The following CRLS1 variants were observed in gnomAD, a reference collection of about 807,000 sequenced individuals.
CRLS1 encodes the protein cardiolipin synthase 1, also known as cardiolipin synthase (CMP-forming).
In CRLS1, 24 loss-of-function variants were observed where a neutral mutation model predicts 37.0. The observed-to-expected ratio is 0.65, with a 90% CI of 0.47 to 0.91. The LOEUF (loss-of-function observed/expected upper bound fraction) is 0.91. Ranked by LOEUF, CRLS1 falls within the 40% of genes least tolerant of loss-of-function variation. The pLI is 0.00. For synonymous variants in CRLS1, 135 were observed against 159.7 expected (o/e 0.85, Z 1.17); for missense variants, 373 against 395.8 (o/e 0.94, Z 0.49).
chr20:6,015,666 A>G, intron 3 of CRLS1, 176 bp downstream of exon 3: 1 of 601,676 alleles, frequency 1.7e-6, no homozygotes. Context: ...TGGATTTTAG[A>G]ATTTATGTCC....
intron 3 of CRLS1, among the ~76,000 whole-genome samples, chr20:6,030,011 A>G (rs779562849): frequency 6.6e-6 from 1 of 152,222 alleles, no homozygotes; most frequent in Non-Finnish European, 1.5e-5. Context: ...ATAATTCATA[A>G]AAGATTTGTT....
At chr20:6,009,675 A>T in intron 1 of CRLS1, 100 bp from the exon 2 acceptor site, 1 of 894,938 alleles carries the variant, frequency 1.1e-6, no homozygotes, top group Non-Finnish European at 1.6e-6. Context: ...GTAGCTTCTG[A>T]CTGAAGTTGA....
chr20:6,028,787 A>G (rs1342798068), intron 3 of CRLS1: 2 of 152,236 alleles, frequency 1.3e-5, no homozygotes, highest in African/African-American at 2.4e-5. Context: ...CATTGCAAAT[A>G]TTACCCATGT....
intron 6 of CRLS1, among the ~76,000 whole-genome samples, chr20:6,036,028 C>T (rs1265959106): frequency 6.6e-6 from 1 of 152,140 alleles, no homozygotes; most frequent in Admixed American, 6.5e-5. Flanking sequence ...TGGTCTCGAA[C>T]TCCTGGCCTC....
At position 6,024,117 on chromosome 20, in the gene CRLS1, G is replaced by A. The variant is rs192673308; in HGVS notation, c.575-7168G>A. 8.6e-4 allele frequency among the ~76,000 whole-genome samples: 131 copies of A among 152,132 alleles called. 1 individual carries two copies. The highest frequency in any genetic ancestry group is 9.9e-4 in the Non-Finnish European group (67 of 68,006). On this transcript the variant is annotated intron_variant, in intron 3 of 6. Transcript: ENST00000378863. ...ACAGAGGTACACCACCACACACCCAGCTAAGTTTTAAATTTTTTTATAGAG... is the reference window on the plus strand; with the variant it reads ...ACAGAGGTACACCACCACACACCCAACTAAGTTTTAAATTTTTTTATAGAG...
chr20:6,014,660 A>G (rs1978601289), intron 2 of CRLS1, among the ~76,000 whole-genome samples: 1 of 152,174 alleles, frequency 6.6e-6, no homozygotes, highest in African/African-American at 2.4e-5. Context: ...TATGGGAAGA[A>G]TTGAATACTT....
rs1018448797 is a variant in CRLS1, at chr20:6,006,321, G to A, written c.75G>A (p.Pro25=). ...CCGCTTGGGCTCCGGGAACGCGGCC[G>A]AGTAAGCGACGCGCCTGCTGGGCCC... ...RGAAWAPGTR[P]SKRRACWALL... Residue 25 remains proline (P), a synonymous_variant, in exon 1 of 7, where the codon CCG becomes CCA. Transcript: ENST00000378863. 3.7e-5 allele frequency: 49 copies of A among 1,339,386 alleles called. No homozygotes were observed. The highest frequency in any genetic ancestry group is 4.1e-5 in the Non-Finnish European group (43 of 1,044,688). 83.0% of individuals were successfully genotyped at this position (1,339,386 alleles called of 1,614,324 possible).
chr20:6,037,343 A>C lies in CRLS1; in HGVS notation c.*185A>C. 1 of 387,516 alleles carries C rather than the reference A, an allele frequency of 2.6e-6. No homozygotes were observed. The highest frequency in any genetic ancestry group is 4.6e-6 in the Non-Finnish European group (1 of 218,474). 24.0% of individuals were successfully genotyped at this position (387,516 alleles called of 1,614,324 possible). A position where few individuals can be genotyped will look rare whatever the true frequency, so the allele number is the denominator to read the frequency against. The stretch of plus-strand genomic sequence containing the variant: ...AAGGTTGATCATGGGAATATGCAGA[A>C]TTTCCAATGTATTTTTAAATACAAA... On this transcript the variant is annotated 3_prime_UTR_variant, in exon 7 of 7. Coordinates refer to ENST00000378863, the MANE Select transcript of CRLS1 (RefSeq NM_019095.6).
At position 6,038,133 on chromosome 20, in the gene CRLS1, A is replaced by G. The variant is rs1980705506; in HGVS notation, c.*975A>G. The G allele has an allele frequency of 6.6e-6, 1 of 152,240 alleles. No homozygotes were observed. The highest frequency in any genetic ancestry group is 1.9e-4 in the East Asian group (1 of 5,200). 9.4% of individuals were successfully genotyped at this position (152,240 alleles called of 1,614,324 possible). ...CGATTCACAGAGTCCATTCATGTAC[A>G]TCACTTACACTTAAATTGTAAAAAT... On this transcript the variant is annotated 3_prime_UTR_variant, in exon 7 of 7. Transcript: ENST00000378863.
chr20:6,021,354 TCTGCACCCGGC>T (rs1187746527), intron 3 of CRLS1, among the ~76,000 whole-genome samples: 1 of 152,176 alleles, frequency 6.6e-6, no homozygotes, highest in Non-Finnish European at 1.5e-5. Flanking sequence ...GGTGTGAGCC[TCTGCACCCGGC>T]CTGCTTTGTA....
chr20:6,020,981 T>A (rs1448509750), intron 3 of CRLS1, among the ~76,000 whole-genome samples: 2 of 151,880 alleles, frequency 1.3e-5, no homozygotes, highest in African/African-American at 4.8e-5. Flanking sequence ...TTCTTTTGCT[T>A]TTGGTTTGTT....
chr20:6,018,098 C>T (rs1259317441), intron 3 of CRLS1, among the ~76,000 whole-genome samples: 1 of 151,564 alleles, frequency 6.6e-6, no homozygotes, highest in African/African-American at 2.4e-5. Flanking sequence ...TGCCTGTAAT[C>T]CCAGCTACTC....
chr20:6,018,064 C>T (rs993821953), intron 3 of CRLS1, among the ~76,000 whole-genome samples: 4 of 151,492 alleles, frequency 2.6e-5, no homozygotes, highest in African/African-American at 9.7e-5. Flanking sequence ...AAAAATACAA[C>T]AATTAGCCAT....
intron 3 of CRLS1, among the ~76,000 whole-genome samples, chr20:6,018,685 A>T (rs1978964150): frequency 6.6e-6 from 1 of 152,154 alleles, no homozygotes; most frequent in Admixed American, 6.5e-5. Context: ...TATGTTGCTC[A>T]TGCTGATCTT....
chr20:6,034,770 A>G (rs1417497371), intron 6 of CRLS1, among the ~76,000 whole-genome samples: 1 of 152,006 alleles, frequency 6.6e-6, no homozygotes, highest in Non-Finnish European at 1.5e-5. Context: ...AAAGGTACTG[A>G]TAATGTGTTA....
chr20:6,015,169 G>A (rs959465624), intron 2 of CRLS1, among the ~76,000 whole-genome samples, 192 bp from the exon 3 acceptor site: 1 of 152,068 alleles, frequency 6.6e-6, no homozygotes, highest in African/African-American at 2.4e-5. Flanking sequence ...TTTATTTTAA[G>A]ACCAGTTGCT....
At chr20:6,014,323 AT>A (rs888294672) in intron 2 of CRLS1, among the ~76,000 whole-genome samples, 1 of 151,550 alleles carries the variant, frequency 6.6e-6, no homozygotes, top group African/African-American at 2.4e-5. Flanking sequence ...CAAAGACCAC[AT>A]TTTTTTTTAC....
At chr20:6,021,509 T>C (rs2143637) in intron 3 of CRLS1, among the ~76,000 whole-genome samples, 112,618 of 152,158 alleles carry the variant, frequency 0.74, 42,769 homozygotes, top group African/African-American at 0.92. Context: ...ATTTTGTGGG[T>C]TCTTAAGCTC....
Position 6,011,507 on chromosome 20 carries a change from G to A in CRLS1, c.444+1595G>A, listed in dbSNP as rs113139960. 8.3e-3 allele frequency among the ~76,000 whole-genome samples: 1,170 copies of A among 140,938 alleles called. 24 individuals carry two copies. Among genetic ancestry groups the A allele is most frequent in the African/African-American group, 0.028 (1,063 of 37,576 alleles). 92.5% of individuals were successfully genotyped at this position (140,938 alleles called of 152,430 possible). On this transcript the variant is annotated intron_variant, in intron 2 of 6. Transcript: ENST00000378863. ...TACCTCTCTTTTTCCAGAGTTTAGC[G>A]TCTACTAATATTTGTCACTACCTCT... is the stretch of plus-strand genomic sequence containing the variant.
Sources: allele counts gnomAD v4.1 joint callset (sites outside exome capture counted in the v4.1 genomes callset), GRCh38; gene constraint gnomAD v4.1.1; transcripts MANE v1.5; gene names NCBI Gene and HGNC (gene_info 2026-07-23, HGNC 2026-07-21).